Variants in FSTL4 observed in about 807,000 individuals in gnomAD.
The protein encoded by FSTL4 is follistatin like 4.
In FSTL4, 28 loss-of-function variants were observed where a neutral mutation model predicts 78.2. The observed-to-expected ratio is 0.36, with a 90% CI of 0.27 to 0.49. The LOEUF is 0.49. Among genes scored for constraint, FSTL4 ranks in the 20% least tolerant of loss-of-function variants. FSTL4 has a pLI of 0.98. For synonymous variants in FSTL4, 422 were observed against 440.5 expected (o/e 0.96, Z 0.53); for missense variants, 922 against 1,084.9 (o/e 0.85, Z 2.11).
At chr5:133,223,456 G>C (rs1317752587) in intron 11 of FSTL4, among the ~76,000 whole-genome samples, 2 of 152,220 alleles carry the variant, frequency 1.3e-5, no homozygotes, top group Admixed American at 6.5e-5. Context: ...GGTACCTCCT[G>C]CTGCTGCCCA....
intron 3 of FSTL4, among the ~76,000 whole-genome samples, chr5:133,446,921 A>G (rs1757275638): frequency 6.6e-6 from 1 of 152,174 alleles, no homozygotes. Context: ...TTCTGGAGGC[A>G]GAGGAAGAGA....
the FSTL4 span, among the ~76,000 whole-genome samples, chr5:133,636,306 C>T: frequency 6.6e-6 from 1 of 152,154 alleles, no homozygotes; most frequent in African/African-American, 2.4e-5. Context: ...GAGCTCCACT[C>T]TCTGAGTGGG....
chr5:133,719,486 A>C, the FSTL4 span, among the ~76,000 whole-genome samples: 2 of 152,096 alleles, frequency 1.3e-5, no homozygotes. Context: ...ACTAACCACC[A>C]TGGGGAAACC....
At chr5:133,294,161 C>T (rs1002336223) in intron 6 of FSTL4, among the ~76,000 whole-genome samples, 5 of 152,268 alleles carry the variant, frequency 3.3e-5, no homozygotes, top group South Asian at 2.1e-4. Flanking sequence ...TTTTGGCAAC[C>T]GTCCCACAGC....
the FSTL4 span, among the ~76,000 whole-genome samples, chr5:133,715,357 G>C: frequency 6.6e-6 from 1 of 152,208 alleles, no homozygotes; most frequent in Non-Finnish European, 1.5e-5. Flanking sequence ...ATGCTAAGTA[G>C]CTTCATGTTG....
intron 6 of FSTL4, among the ~76,000 whole-genome samples, chr5:133,305,449 A>G (rs1581606241): frequency 6.6e-6 from 1 of 152,064 alleles, no homozygotes; most frequent in African/African-American, 2.4e-5. Flanking sequence ...TGCCTGGGAC[A>G]CCTTTTTCCT....
chr5:133,449,275 C>T (rs936365473), intron 3 of FSTL4, among the ~76,000 whole-genome samples: 1 of 152,180 alleles, frequency 6.6e-6, no homozygotes, highest in Non-Finnish European at 1.5e-5. Context: ...CTGAGATGAC[C>T]CCGACACCCC....
intron 7 of FSTL4, among the ~76,000 whole-genome samples, chr5:133,239,349 C>T (rs1751763085): frequency 6.6e-6 from 1 of 152,192 alleles, no homozygotes; most frequent in Non-Finnish European, 1.5e-5. Context: ...AGTGCGGGCG[C>T]ACGGCACGGG....
rs1761107374 is a variant in FSTL4, at chr5:133,612,009, G to A, written c.-11+316C>T. ...CTCGGCCCGAGCGCTTCTGCGTGGC[G>A]CCCCGCGTGCCAACCGGGTCACTCC... On this transcript the variant is annotated intron_variant, in intron 1 of 15. Coordinates refer to ENST00000265342, the MANE Select transcript of FSTL4 (RefSeq NM_015082.2). The surrounding 1 kb of genome is among the most constrained non-coding windows in gnomAD (Gnocchi z 6.2). Among the ~76,000 whole-genome samples the A allele has an allele frequency of 6.6e-6, 1 of 152,108 alleles. No homozygotes were observed. Among genetic ancestry groups the A allele is most frequent in the Non-Finnish European group, 1.5e-5 (1 of 67,918 alleles).
intron 6 of FSTL4, among the ~76,000 whole-genome samples, chr5:133,306,899 C>T (rs1008093426): frequency 6.6e-6 from 1 of 152,172 alleles, no homozygotes; most frequent in African/African-American, 2.4e-5. Flanking sequence ...TGATGGGGCA[C>T]ACACAGAAAT....
At chr5:133,573,205 C>T (rs1051312770) in intron 2 of FSTL4, among the ~76,000 whole-genome samples, 3 of 151,442 alleles carry the variant, frequency 2.0e-5, no homozygotes, top group African/African-American at 7.3e-5. Flanking sequence ...GATTGCGCCA[C>T]TGCACTCCAG....
chr5:133,543,885 T>C (rs1447059584), intron 3 of FSTL4, among the ~76,000 whole-genome samples: 1 of 152,106 alleles, frequency 6.6e-6, no homozygotes, highest in Admixed American at 6.5e-5. Context: ...TTTGAATATT[T>C]TTCTCACTTC....
chr5:133,467,850 T>C (rs1291289834), intron 3 of FSTL4, among the ~76,000 whole-genome samples: 1 of 152,210 alleles, frequency 6.6e-6, no homozygotes, highest in African/African-American at 2.4e-5. Context: ...TCCTAAAATG[T>C]TTCTTATACA....
chr5:133,221,036 A>G (rs889303572), intron 11 of FSTL4, 170 bp from the exon 12 acceptor site: 2 of 704,562 alleles, frequency 2.8e-6, no homozygotes, highest in Non-Finnish European at 5.2e-6. Context: ...TTGTAGCTGG[A>G]TGGGTGCAGA....
intron 4 of FSTL4, among the ~76,000 whole-genome samples, chr5:133,369,075 T>C (rs1484016903): frequency 6.6e-6 from 1 of 152,092 alleles, no homozygotes; most frequent in African/African-American, 2.4e-5. Context: ...GGGATGGACT[T>C]CCAAGGCTGG....
chr5:133,355,830 C>T (rs2126930203), intron 4 of FSTL4, among the ~76,000 whole-genome samples: 1 of 152,340 alleles, frequency 6.6e-6, no homozygotes, highest in Non-Finnish European at 1.5e-5. Flanking sequence ...CTGGTCCGTG[C>T]TCCCCTTCAC....
chr5:133,620,144 C>T, the FSTL4 span, among the ~76,000 whole-genome samples: 2 of 152,102 alleles, frequency 1.3e-5, no homozygotes, highest in Admixed American at 6.5e-5. Flanking sequence ...CTTGACAGTG[C>T]CTCAAGTGTA....
intron 6 of FSTL4, among the ~76,000 whole-genome samples, chr5:133,288,358 G>A (rs1029846753): frequency 1.3e-5 from 2 of 152,266 alleles, no homozygotes; most frequent in African/African-American, 4.8e-5. Context: ...GGAGCCCCAG[G>A]CACCCTCAGC....
At chr5:133,434,731 T>C (rs1472457163) in intron 3 of FSTL4, among the ~76,000 whole-genome samples, 1 of 152,220 alleles carries the variant, frequency 6.6e-6, no homozygotes, top group African/African-American at 2.4e-5. Context: ...TATATTTTCA[T>C]TGGCTACATT....
Sources: gnomAD v4.1 joint callset for allele counts (sites outside exome capture counted in the v4.1 genomes callset) on GRCh38, gnomAD v4.1.1 for gene constraint, Gnocchi (gnomAD v3.1) non-coding constraint, MANE v1.5 for transcripts, NCBI Gene and HGNC (gene_info 2026-07-23, HGNC 2026-07-21) for gene names.